Variants in NCAM2 observed in about 807,000 individuals in gnomAD.
NCAM2 encodes the protein N-CAM-2.
NCAM2 carries 30 observed loss-of-function variants against 98.1 expected under a neutral mutation model. The ratio of observed to expected loss-of-function variants is 0.31; its 90% CI spans 0.23 to 0.41. The LOEUF (loss-of-function observed/expected upper bound fraction) is 0.41, where lower values mean the gene tolerates loss of function less well. Ranked by LOEUF, NCAM2 falls within the 10% of genes least tolerant of loss-of-function variation. The pLI is 1.00. For synonymous variants in NCAM2, 368 were observed against 342.4 expected, an observed-to-expected ratio of 1.07 and a Z score of -0.83; for missense variants, 867 against 1,005.8, an observed-to-expected ratio of 0.86 and a Z score of 1.87.
At chr21:21,179,713 A>G (rs1047823943) in intron 1 of NCAM2, among the ~76,000 whole-genome samples, 1 of 152,104 alleles carries the variant, frequency 6.6e-6, no homozygotes. Context: ...TTCAAGGGTA[A>G]TAGACAGTTG....
At chr21:21,136,308 G>A (rs1465122361) in intron 1 of NCAM2, among the ~76,000 whole-genome samples, 1 of 152,168 alleles carries the variant, frequency 6.6e-6, no homozygotes, top group African/African-American at 2.4e-5. Flanking sequence ...AGGGGAATAC[G>A]ATTCAGCCAT....
intron 9 of NCAM2, among the ~76,000 whole-genome samples, chr21:21,409,282 A>T (rs1383325750): frequency 6.6e-6 from 1 of 152,184 alleles, no homozygotes; most frequent in East Asian, 1.9e-4. Flanking sequence ...ATTTTTAAAT[A>T]AAATTATACA....
At chr21:21,287,173 T>G (rs1297467560) in intron 4 of NCAM2, among the ~76,000 whole-genome samples, 1 of 151,990 alleles carries the variant, frequency 6.6e-6, no homozygotes, top group Non-Finnish European at 1.5e-5. Flanking sequence ...ATTTTTTCAA[T>G]GCACCTGCAC....
rs561069803 is a variant in NCAM2 at position 21,149,803 on chromosome 21, CCTGT to C, written c.56-130772_56-130769del. Among the ~76,000 whole-genome samples the C allele has an allele frequency of 4.6e-5, 7 of 152,138 alleles. No homozygotes were observed. In the East Asian group the frequency reaches 1.2e-3, roughly 25 times the overall value. On this transcript the variant is annotated intron_variant, in intron 1 of 17. Coordinates refer to ENST00000400546, the MANE Select transcript of NCAM2 (RefSeq NM_004540.5). ...TGTATATGTGCCACATTTTCTTTAT[CCTGT>C]CTATCATTGATGGGGCATTTGAGTT...
chr21:21,291,892 T>C (rs1476737887), intron 4 of NCAM2, among the ~76,000 whole-genome samples: 2 of 135,960 alleles, frequency 1.5e-5, no homozygotes, highest in Non-Finnish European at 3.2e-5. Flanking sequence ...TATTTTATTC[T>C]TTTAGGAAAA....
intron 8 of NCAM2, among the ~76,000 whole-genome samples, chr21:21,369,550 C>G (rs186557554): frequency 6.6e-6 from 1 of 151,832 alleles, no homozygotes; most frequent in Non-Finnish European, 1.5e-5. Context: ...AACATCTGCA[C>G]CATTTTACAT....
At chr21:21,262,457 A>G (rs1038763240) in intron 1 of NCAM2, among the ~76,000 whole-genome samples, 2 of 152,058 alleles carry the variant, frequency 1.3e-5, no homozygotes, top group Non-Finnish European at 2.9e-5. Context: ...ATGCAAAAAT[A>G]TTCAACAAAA....
chr21:21,225,429 A>G (rs191466435), intron 1 of NCAM2, among the ~76,000 whole-genome samples: 12 of 152,100 alleles, frequency 7.9e-5, no homozygotes, highest in African/African-American at 2.9e-4. Flanking sequence ...AATAACAAGT[A>G]CCCAACATAT....
chr21:21,486,235 C>T (rs1000196855), intron 15 of NCAM2, among the ~76,000 whole-genome samples: 6 of 130,454 alleles, frequency 4.6e-5, no homozygotes, highest in Non-Finnish European at 7.8e-5. Context: ...ACCCGGGAGG[C>T]GGAGCTTGCA....
rs140210326 is a variant in NCAM2 at position 21,453,111 on chromosome 21, A to T, written c.1655-13495A>T. Among the ~76,000 whole-genome samples, 1,255 of 131,934 alleles carry T rather than the reference A, an allele frequency of 9.5e-3. 16 individuals carry two copies. Among genetic ancestry groups the T allele is most frequent in the African/African-American group, 0.035 (1,207 of 34,230 alleles). The allele number at this position is 131,934 out of a possible 152,430, so 86.6% of individuals were successfully genotyped here. ...TAATATATTATATTAAATATATATT[A>T]TATATAATAACAAAATATATATAGT... is the stretch of plus-strand genomic sequence containing the variant. On this transcript the variant is annotated intron_variant, in intron 12 of 17. Transcript: ENST00000400546.
At chr21:21,351,280 C>T (rs1045277335) in intron 8 of NCAM2, among the ~76,000 whole-genome samples, 3 of 151,668 alleles carry the variant, frequency 2.0e-5, no homozygotes, top group African/African-American at 2.4e-5. Flanking sequence ...ATATTATTGG[C>T]GATATTTCCA....
intron 1 of NCAM2, among the ~76,000 whole-genome samples, chr21:21,120,719 G>GTTTTTTTTTTTTTTTTTTTTT (rs56905252): frequency 1.4e-5 from 2 of 142,250 alleles, no homozygotes; most frequent in Non-Finnish European, 1.5e-5. Flanking sequence ...TTTTTTGTGG[G>GTTTTTTTTTTTTTTTTTTTTT]TTTTTTTTTT....
chr21:21,017,439 A>AAAG (rs2064334103), intron 1 of NCAM2, among the ~76,000 whole-genome samples: 2 of 150,512 alleles, frequency 1.3e-5, no homozygotes, highest in Non-Finnish European at 3.0e-5. Context: ...AAAAAAAAAA[A>AAAG]AAAAAAAAAG....
chr21:21,143,250 GTTTC>G (rs1463862157), intron 1 of NCAM2, among the ~76,000 whole-genome samples: 2 of 152,006 alleles, frequency 1.3e-5, no homozygotes, highest in Admixed American at 6.6e-5. Context: ...TGGTATTTTT[GTTTC>G]TTTATTATTT....
chr21:21,347,540 C>A (rs996667691), intron 8 of NCAM2, among the ~76,000 whole-genome samples: 1 of 151,962 alleles, frequency 6.6e-6, no homozygotes, highest in Admixed American at 6.6e-5. Context: ...AAGCTTGGAA[C>A]CTGATGGCTT....
In NCAM2 at chr21:21,446,876, C is replaced by A. The variant is rs1470837281; in HGVS notation, c.1654+14595C>A. On this transcript the variant is annotated intron_variant, in intron 12 of 17. Coordinates refer to ENST00000400546, the MANE Select transcript of NCAM2 (RefSeq NM_004540.5). ...TGAAGTACCTCTTCAAGGAGAACTA[C>A]AAACCACTCTCAAGGAAATAAGAGA... 2.0e-5 allele frequency among the ~76,000 whole-genome samples: 3 copies of A among 152,002 alleles called. No individual in the cohort carries two copies. The East Asian group carries it at 5.8e-4, about 29-fold the overall frequency.
intron 1 of NCAM2, among the ~76,000 whole-genome samples, chr21:21,172,319 C>A (rs2068151622): frequency 6.6e-6 from 1 of 152,030 alleles, no homozygotes. Context: ...TAAGATTTTA[C>A]AAACCTTTAA....
chr21:21,252,908 C>T (rs1397397686), intron 1 of NCAM2, among the ~76,000 whole-genome samples: 1 of 152,156 alleles, frequency 6.6e-6, no homozygotes, highest in African/African-American at 2.4e-5. Flanking sequence ...TGATGATCAT[C>T]TCTTTTAGTG....
intron 1 of NCAM2, among the ~76,000 whole-genome samples, chr21:21,214,207 A>G (rs2069771371): frequency 6.6e-6 from 1 of 152,080 alleles, no homozygotes; most frequent in Admixed American, 6.5e-5. Context: ...GCGATTTTTG[A>G]GAATTACAGT....
Sources: allele counts gnomAD v4.1 joint callset (sites outside exome capture counted in the v4.1 genomes callset), GRCh38; gene constraint gnomAD v4.1.1; transcripts MANE v1.5; gene names NCBI Gene and HGNC (gene_info 2026-07-23, HGNC 2026-07-21).